The following PTK2B variants were observed in gnomAD, a reference collection of about 807,000 sequenced individuals.
PTK2B encodes protein-tyrosine kinase 2-beta.
In PTK2B, 71 loss-of-function variants were observed where a neutral mutation model predicts 142.9. The ratio of observed to expected loss-of-function variants is 0.50; its 90% CI spans 0.41 to 0.61. PTK2B has a LOEUF of 0.61. PTK2B is among the 20% of genes least tolerant of loss of function. PTK2B has a pLI of 0.00. For missense variants in PTK2B, 1,105 were observed against 1,320.4 expected (o/e 0.84, Z 2.53); for synonymous variants, 519 against 503.4 (o/e 1.03, Z -0.42).
rs1013830331 is a variant in PTK2B, at chr8:27,333,973, T to G, written c.-38+8292T>G. Among the ~76,000 whole-genome samples, 4 of 151,824 alleles carry G rather than the reference T, an allele frequency of 2.6e-5. No individual in the cohort carries two copies. The South Asian group carries it at 8.3e-4, about 32-fold the overall frequency. ...CCTCCTTTTCTCACGCCAAACCATC[T>G]CTCCTCCTGGCTTCTCTCCTCTTCA... On this transcript the variant is annotated intron_variant, in intron 1 of 30. Coordinates refer to ENST00000346049, the MANE Select transcript of PTK2B (RefSeq NM_173176.3).
intron 30 of PTK2B, among the ~76,000 whole-genome samples, chr8:27,455,762 G>A (rs1812105934): frequency 6.6e-6 from 1 of 152,252 alleles, no homozygotes; most frequent in African/African-American, 2.4e-5. Context: ...TTGCCCTTCA[G>A]AACTATAAGA....
At chr8:27,435,631 C>T (rs1810722015) in intron 13 of PTK2B, 112 bp from the exon 14 acceptor site, 1 of 1,328,322 alleles carries the variant, frequency 7.5e-7, no homozygotes, top group Non-Finnish European at 1.1e-6. Flanking sequence ...CTGGCTTCTC[C>T]TCCTACCCCC....
At chr8:27,364,783 C>A (rs1393002482) in intron 1 of PTK2B, among the ~76,000 whole-genome samples, 5 of 152,248 alleles carry the variant, frequency 3.3e-5, no homozygotes, top group Admixed American at 6.5e-5. Flanking sequence ...TTCTAACTGG[C>A]TGTCAATTCC....
At chr8:27,458,171 A>T (rs1240304272) in intron 30 of PTK2B, 123 bp from the exon 31 acceptor site, 2 of 969,168 alleles carry the variant, frequency 2.1e-6, no homozygotes, top group Non-Finnish European at 3.1e-6. Context: ...CCTAGGTCTG[A>T]TTTGCTTCCA....
chr8:27,386,523 A>ATGC (rs1282859682), intron 1 of PTK2B, among the ~76,000 whole-genome samples: 1 of 152,104 alleles, frequency 6.6e-6, no homozygotes, highest in Admixed American at 6.5e-5. Flanking sequence ...TAGCATTTTC[A>ATGC]ACTGCTGAGG....
At chr8:27,432,025 A>G (rs1810462763) in intron 9 of PTK2B, 1 of 445,000 alleles carries the variant, frequency 2.2e-6, no homozygotes, top group East Asian at 3.3e-5. Flanking sequence ...AAGTAGTGTT[A>G]GTGTATTTTA....
In PTK2B at chr8:27,386,419, A is replaced by C. The variant is rs78308481; in HGVS notation, c.-37-11129A>C. On this transcript the variant is annotated intron_variant, in intron 1 of 30. Coordinates refer to ENST00000346049, the MANE Select transcript of PTK2B (RefSeq NM_173176.3). ...GAGTAATTGGCAATTGTACTAGTTC[A>C]TTTCAAGTCCATGAACATAAGTTTT... 8.5e-3 allele frequency among the ~76,000 whole-genome samples: 1,294 copies of C among 152,262 alleles called. 13 individuals carry two copies. Among genetic ancestry groups the C allele is most frequent in the African/African-American group, 0.03 (1,233 of 41,536 alleles).
At chr8:27,436,108 C>G in intron 14 of PTK2B, 143 bp from the exon 15 acceptor site, 1 of 807,992 alleles carries the variant, frequency 1.2e-6, no homozygotes, top group South Asian at 1.6e-5. Flanking sequence ...TTCTAGACCC[C>G]CATTTCCCCA....
intron 1 of PTK2B, among the ~76,000 whole-genome samples, chr8:27,358,707 T>C (rs1805526737): frequency 6.6e-6 from 1 of 152,198 alleles, no homozygotes; most frequent in African/African-American, 2.4e-5. Flanking sequence ...TTGTTTGCCA[T>C]GCTTCATCTT....
At chr8:27,454,756 C>A in intron 30 of PTK2B, 145 bp downstream of exon 30, 1 of 809,620 alleles carries the variant, frequency 1.2e-6, no homozygotes, top group Non-Finnish European at 2.0e-6. Context: ...GCTTATCCAT[C>A]AGCTACCACC....
intron 1 of PTK2B, among the ~76,000 whole-genome samples, chr8:27,336,053 T>C (rs971800098): frequency 3.9e-5 from 6 of 152,036 alleles, no homozygotes; most frequent in African/African-American, 1.5e-4. Context: ...TCATGGGAGC[T>C]GGAGAATGGC....
At chr8:27,329,551 G>T (rs1232241730) in intron 1 of PTK2B, among the ~76,000 whole-genome samples, 1 of 152,140 alleles carries the variant, frequency 6.6e-6, no homozygotes, top group African/African-American at 2.4e-5. Flanking sequence ...ATGTGACCCT[G>T]GCCTCCCAGG....
chr8:27,388,403 C>A (rs550740025), intron 1 of PTK2B, among the ~76,000 whole-genome samples: 1 of 152,314 alleles, frequency 6.6e-6, no homozygotes, highest in African/African-American at 2.4e-5. Context: ...TTTCAGAGGA[C>A]TGGAGAGTAA....
At chr8:27,319,049 GTCTT>G (rs1434861863) in intron 3 of PTK2B, among the ~76,000 whole-genome samples, 1 of 152,144 alleles carries the variant, frequency 6.6e-6, no homozygotes, top group Admixed American at 6.5e-5. Flanking sequence ...GTTTAACTAT[GTCTT>G]TATTTTTCCC....
chr8:27,453,411 C>T (rs1034889676), intron 28 of PTK2B, among the ~76,000 whole-genome samples: 3 of 152,192 alleles, frequency 2.0e-5, no homozygotes, highest in African/African-American at 7.2e-5. Context: ...GAGTAGAGCT[C>T]CCTGGTCCAG....
At chr8:27,328,183 CAA>C (rs1239388292) in intron 1 of PTK2B, among the ~76,000 whole-genome samples, 3 of 152,146 alleles carry the variant, frequency 2.0e-5, no homozygotes, top group African/African-American at 4.8e-5. Context: ...GAGAGTGACT[CAA>C]AGTAGAATTA....
intron 1 of PTK2B, among the ~76,000 whole-genome samples, chr8:27,368,636 G>A (rs930716207): frequency 6.6e-6 from 1 of 152,204 alleles, no homozygotes; most frequent in African/African-American, 2.4e-5. Flanking sequence ...TCTTAACACA[G>A]ACACTTAGCA....
chr8:27,422,639 G>A (rs1369889536), intron 5 of PTK2B, among the ~76,000 whole-genome samples: 2 of 152,186 alleles, frequency 1.3e-5, no homozygotes, highest in South Asian at 2.1e-4. Flanking sequence ...CCTGCAGGCT[G>A]CTGGCTTCTT....
intron 1 of PTK2B, among the ~76,000 whole-genome samples, chr8:27,361,280 G>A (rs1805686969): frequency 6.6e-6 from 1 of 152,150 alleles, no homozygotes; most frequent in Admixed American, 6.5e-5. Context: ...GTGCAGTGGT[G>A]CAATCATAGC....
Sources: allele counts gnomAD v4.1 joint callset (sites outside exome capture counted in the v4.1 genomes callset), GRCh38; gene constraint gnomAD v4.1.1; transcripts MANE v1.5; gene names NCBI Gene and HGNC (gene_info 2026-07-23, HGNC 2026-07-21).